Variants in VTI1A observed in about 807,000 individuals in gnomAD.
The protein encoded by VTI1A is vesicle transport through interaction with t-SNAREs 1A.
VTI1A carries 22 observed loss-of-function variants against 34.9 expected under a neutral mutation model. That is an observed-to-expected ratio of 0.63 (90% CI 0.45 to 0.90). The LOEUF (loss-of-function observed/expected upper bound fraction) is 0.90, where lower values mean the gene tolerates loss of function less well. Among genes scored for constraint, VTI1A ranks in the 40% least tolerant of loss-of-function variants. VTI1A has a pLI of 0.00. For synonymous variants in VTI1A, 87 were observed against 97.3 expected (o/e 0.89, Z 0.62); for missense variants, 268 against 275.6 (o/e 0.97, Z 0.20).
intron 7 of VTI1A, among the ~76,000 whole-genome samples, chr10:112,678,737 C>T (rs565399338): frequency 6.6e-6 from 1 of 152,328 alleles, no homozygotes; most frequent in South Asian, 2.1e-4. Context: ...AGCTCATGCA[C>T]AGTGCAGGTG....
chr10:112,714,007 T>C (rs1181911585), intron 7 of VTI1A, among the ~76,000 whole-genome samples: 1 of 152,144 alleles, frequency 6.6e-6, no homozygotes, highest in Non-Finnish European at 1.5e-5. Context: ...TCTTCCCCTC[T>C]CAACATTTTT....
At chr10:112,636,109 G>C (rs1255729911) in intron 5 of VTI1A, among the ~76,000 whole-genome samples, 3 of 152,186 alleles carry the variant, frequency 2.0e-5, no homozygotes, top group Admixed American at 2.0e-4. Context: ...AGATCCGAGG[G>C]TTGGGCTCTG....
At chr10:112,531,106 T>TGC (rs1262969523) in intron 4 of VTI1A, among the ~76,000 whole-genome samples, 7 of 47,722 alleles carry the variant, frequency 1.5e-4, no homozygotes, top group African/African-American at 6.5e-5. Context: ...CACACACACG[T>TGC]GCGCACGTGC....
chr10:112,531,021 C>G (rs1220467592), intron 4 of VTI1A, among the ~76,000 whole-genome samples: 1 of 147,662 alleles, frequency 6.8e-6, no homozygotes, highest in Non-Finnish European at 1.5e-5. Flanking sequence ...GCGTTATCAG[C>G]TTTAAAAAAA....
the VTI1A span, among the ~76,000 whole-genome samples, chr10:112,849,127 C>A: frequency 1.3e-5 from 2 of 152,172 alleles, no homozygotes; most frequent in East Asian, 3.8e-4. Flanking sequence ...GTGGAATCGA[C>A]CAGTTACAAA....
rs147348534 is a variant in VTI1A, at chr10:112,578,675, C to T, written c.427+40345C>T. Reference sequence around the variant, plus strand: ...GCATGATACTTTTACTTAATATTTTCAAATCTATTTTAAGTTAGCTCACTT... The same window carrying T: ...GCATGATACTTTTACTTAATATTTTTAAATCTATTTTAAGTTAGCTCACTT... On this transcript the variant is annotated intron_variant, in intron 5 of 7. Coordinates refer to ENST00000393077, the MANE Select transcript of VTI1A (RefSeq NM_145206.4). 4.7e-4 allele frequency among the ~76,000 whole-genome samples: 71 copies of T among 152,268 alleles called. 1 individual carries two copies. Among genetic ancestry groups the T allele is most frequent in the African/African-American group, 1.6e-3 (66 of 41,560 alleles).
intron 5 of VTI1A, among the ~76,000 whole-genome samples, chr10:112,547,854 GTTTC>G (rs760859675): frequency 1.4e-3 from 216 of 152,046 alleles, no homozygotes; most frequent in African/African-American, 4.8e-3. Flanking sequence ...TTGTTTGTTT[GTTTC>G]TTTCTTTATC....
At chr10:112,830,997 G>A in the VTI1A span, among the ~76,000 whole-genome samples, 3 of 150,386 alleles carry the variant, frequency 2.0e-5, no homozygotes, top group Admixed American at 6.6e-5. Context: ...CCACCGGCAC[G>A]TGCCACCATG....
At chr10:112,686,369 G>T (rs545379630) in intron 7 of VTI1A, among the ~76,000 whole-genome samples, 1 of 152,248 alleles carries the variant, frequency 6.6e-6, no homozygotes, top group African/African-American at 2.4e-5. Context: ...CACTTTGATA[G>T]GGGCAGCATT....
At chr10:112,578,630 G>T (rs1171994649) in intron 5 of VTI1A, among the ~76,000 whole-genome samples, 1 of 152,120 alleles carries the variant, frequency 6.6e-6, no homozygotes, top group Non-Finnish European at 1.5e-5. Context: ...AGTGCAACTT[G>T]TAAGCTTTTT....
chr10:112,807,261 A>G (rs1359806254), intron 7 of VTI1A, among the ~76,000 whole-genome samples: 1 of 152,156 alleles, frequency 6.6e-6, no homozygotes, highest in Non-Finnish European at 1.5e-5. Flanking sequence ...CAGTGTATTC[A>G]TTTTCCAGGG....
intron 5 of VTI1A, among the ~76,000 whole-genome samples, chr10:112,653,654 A>G (rs939652798): frequency 2.0e-5 from 3 of 152,256 alleles, no homozygotes; most frequent in African/African-American, 7.2e-5. Flanking sequence ...TGCTTAGCAC[A>G]GTGGCTAGTA....
chr10:112,679,765 A>G (rs980650952), intron 7 of VTI1A, among the ~76,000 whole-genome samples: 89 of 139,926 alleles, frequency 6.4e-4, no homozygotes, highest in South Asian at 1.5e-3. Context: ...TGATGAGGGG[A>G]AAAAAAAAAA....
chr10:112,773,627 G>A (rs1313515244), intron 7 of VTI1A, among the ~76,000 whole-genome samples: 1 of 152,218 alleles, frequency 6.6e-6, no homozygotes, highest in East Asian at 1.9e-4. Context: ...GTTGCAAGTG[G>A]TGGGTCCAGT....
chr10:112,588,269 T>A, intron 5 of VTI1A, among the ~76,000 whole-genome samples: 1 of 152,126 alleles, frequency 6.6e-6, no homozygotes, highest in East Asian at 1.9e-4. Context: ...CCAGCTAATC[T>A]AAAATAATTG....
At chr10:112,735,838 C>T (rs1233745008) in intron 7 of VTI1A, among the ~76,000 whole-genome samples, 3 of 151,754 alleles carry the variant, frequency 2.0e-5, no homozygotes, top group Non-Finnish European at 4.4e-5. Flanking sequence ...TCCCCTATGG[C>T]ACTCCAAGTG....
chr10:112,811,576 C>T (rs1048010156), intron 7 of VTI1A, among the ~76,000 whole-genome samples: 1 of 148,446 alleles, frequency 6.7e-6, no homozygotes, highest in Non-Finnish European at 1.5e-5. Context: ...CCCAGCTACT[C>T]GGGAGGCTGA....
chr10:112,451,106 C>T (rs756041734), intron 1 of VTI1A, among the ~76,000 whole-genome samples: 1 of 152,202 alleles, frequency 6.6e-6, no homozygotes, highest in Non-Finnish European at 1.5e-5. Context: ...GAAAGTATTA[C>T]AGCAAAATGA....
intron 7 of VTI1A, among the ~76,000 whole-genome samples, chr10:112,797,567 T>A (rs537402776): frequency 6.6e-6 from 1 of 151,924 alleles, no homozygotes; most frequent in Admixed American, 6.6e-5. Flanking sequence ...AAAAAAAAAA[T>A]TAAGATACCC....
Sources: allele counts gnomAD v4.1 joint callset (sites outside exome capture counted in the v4.1 genomes callset), GRCh38; gene constraint gnomAD v4.1.1; transcripts MANE v1.5; gene names NCBI Gene and HGNC (gene_info 2026-07-23, HGNC 2026-07-21).